Variants in SORCS3 observed in about 807,000 individuals in gnomAD.
SORCS3 encodes VPS10 domain-containing receptor SorCS3.
Under a neutral mutation model 146.3 loss-of-function variants are expected in SORCS3, and 57 were observed. The observed-to-expected ratio is 0.39, with a 90% CI of 0.31 to 0.49. SORCS3 has a LOEUF of 0.49. Among genes scored for constraint, SORCS3 ranks in the 20% least tolerant of loss-of-function variants. The probability of loss-of-function intolerance (pLI) is 0.92; values close to 1 mark genes in which losing one functional copy is unlikely to be tolerated. For synonymous variants in SORCS3, 653 were observed against 618.5 expected (o/e 1.06, Z -0.83); for missense variants, 1,341 against 1,575.5 (o/e 0.85, Z 2.52).
intron 20 of SORCS3, among the ~76,000 whole-genome samples, chr10:105,242,484 TTATATATTTA>T (rs796397778): frequency 0.58 from 46,893 of 80,828 alleles, 13,211 homozygotes; most frequent in East Asian, 0.76. Context: ...ATTTATATAT[TTATATATTTA>T]TATATATTTA....
At chr10:104,983,614 G>C (rs11192262) in intron 4 of SORCS3, among the ~76,000 whole-genome samples, 1 of 151,858 alleles carries the variant, frequency 6.6e-6, no homozygotes, top group Admixed American at 6.6e-5. Flanking sequence ...TTCATCTGCT[G>C]CCTCTATGAG....
chr10:105,002,559 A>G (rs2055068810), intron 4 of SORCS3, among the ~76,000 whole-genome samples: 1 of 152,228 alleles, frequency 6.6e-6, no homozygotes, highest in Admixed American at 6.5e-5. Context: ...GTGGCTGTAA[A>G]TTAAATTGAA....
intron 4 of SORCS3, among the ~76,000 whole-genome samples, chr10:105,010,093 A>G (rs1298050925): frequency 1.3e-5 from 2 of 152,182 alleles, no homozygotes; most frequent in Non-Finnish European, 2.9e-5. Context: ...ACCCAGGTTC[A>G]GGGGTGTGGC....
At chr10:104,883,503 T>G (rs2018650696) in intron 2 of SORCS3, among the ~76,000 whole-genome samples, 1 of 152,164 alleles carries the variant, frequency 6.6e-6, no homozygotes, top group Admixed American at 6.5e-5. Context: ...ATATGTACTT[T>G]TAAAGGCAAA....
chr10:104,819,317 G>T (rs2017844949), intron 1 of SORCS3, among the ~76,000 whole-genome samples: 1 of 152,124 alleles, frequency 6.6e-6, no homozygotes, highest in Non-Finnish European at 1.5e-5. Flanking sequence ...AGGGGTCTGT[G>T]AGTCACACTT....
At chr10:104,698,265 C>T (rs1382683705) in intron 1 of SORCS3, among the ~76,000 whole-genome samples, 1 of 152,174 alleles carries the variant, frequency 6.6e-6, no homozygotes, top group East Asian at 1.9e-4. Flanking sequence ...TACAGAGTCA[C>T]ATGGGCCCTG....
chr10:104,955,507 G>A (rs2019479824), intron 3 of SORCS3, among the ~76,000 whole-genome samples: 1 of 152,136 alleles, frequency 6.6e-6, no homozygotes, highest in African/African-American at 2.4e-5. Flanking sequence ...TTGTTTATCT[G>A]TTTTTCATTC....
chr10:104,789,530 C>G (rs1430573330), intron 1 of SORCS3, among the ~76,000 whole-genome samples: 1 of 152,154 alleles, frequency 6.6e-6, no homozygotes, highest in African/African-American at 2.4e-5. Context: ...TCTTGGAAAA[C>G]CCAAGTCAGG....
At chr10:104,715,948 C>T (rs1016538442) in intron 1 of SORCS3, among the ~76,000 whole-genome samples, 11 of 152,158 alleles carry the variant, frequency 7.2e-5, no homozygotes, top group African/African-American at 2.4e-4. Flanking sequence ...GTTCTTACTG[C>T]TTATCTTCTC....
At chr10:104,914,421 T>G (rs1485358358) in intron 2 of SORCS3, among the ~76,000 whole-genome samples, 1 of 151,562 alleles carries the variant, frequency 6.6e-6, no homozygotes, top group Non-Finnish European at 1.5e-5. Flanking sequence ...ACAGAGGAGG[T>G]GCAGGTGGGT....
rs748867054 is a variant in SORCS3, at chr10:105,200,079, C to A, written c.2090C>A (p.Thr697Asn). The A allele has an allele frequency of 3.1e-6, 5 of 1,613,544 alleles. No homozygotes were observed. Among genetic ancestry groups the A allele is most frequent in the Non-Finnish European group, 4.2e-6 (5 of 1,179,668 alleles). The part of the protein sequence containing the change: ...DYKSIFSRHC[T>N]KEDYQTWHLL... ...AAATCTATCTTCAGCCGGCATTGCA[C>A]CAAGGAGGACTATCAGACCTGGCAC... The change falls in exon 15 of 27, where the codon ACC becomes AAC. Residue 697 changes from threonine (T) to asparagine (N), a missense_variant. By Grantham distance (65) the Thr-to-Asn change is moderately conservative (BLOSUM62 0). Transcript: ENST00000369701.
At chr10:105,216,454 T>C (rs1355036592) in intron 18 of SORCS3, among the ~76,000 whole-genome samples, 1 of 152,136 alleles carries the variant, frequency 6.6e-6, no homozygotes, top group African/African-American at 2.4e-5. Flanking sequence ...TATGAAACTT[T>C]GGTCTAACTA....
intron 3 of SORCS3, among the ~76,000 whole-genome samples, chr10:104,946,874 A>G (rs1233662158): frequency 6.6e-6 from 1 of 152,162 alleles, no homozygotes; most frequent in Non-Finnish European, 1.5e-5. Flanking sequence ...CTAGAGGAAT[A>G]GAAGGCCTTG....
intron 14 of SORCS3, among the ~76,000 whole-genome samples, chr10:105,190,138 C>T (rs2056506831): frequency 6.6e-6 from 1 of 152,196 alleles, no homozygotes; most frequent in Non-Finnish European, 1.5e-5. Context: ...GCTAATGAGT[C>T]ATGAAGGACT....
intron 12 of SORCS3, among the ~76,000 whole-genome samples, chr10:105,166,983 T>C (rs2056319298): frequency 6.6e-6 from 1 of 152,146 alleles, no homozygotes; most frequent in African/African-American, 2.4e-5. Context: ...ATGCACCTTG[T>C]TGCTTCACCT....
intron 1 of SORCS3, among the ~76,000 whole-genome samples, chr10:104,718,380 C>T (rs2016504786): frequency 1.3e-5 from 2 of 152,112 alleles, no homozygotes; most frequent in Admixed American, 6.5e-5. Context: ...CCGTTCCCTC[C>T]ATAATGACAT....
intron 1 of SORCS3, among the ~76,000 whole-genome samples, chr10:104,763,667 A>G (rs117947472): frequency 0.012 from 1,829 of 152,304 alleles, 18 homozygotes; most frequent in Non-Finnish European, 0.019. Context: ...CTTGTGGCCA[A>G]CGCTTCTTTA....
intron 3 of SORCS3, among the ~76,000 whole-genome samples, chr10:104,941,876 C>T (rs1479564144): frequency 1.3e-5 from 2 of 152,058 alleles, no homozygotes; most frequent in African/African-American, 4.8e-5. Flanking sequence ...GAAACAAAGG[C>T]CTGGCTGGAT....
chr10:105,022,518 G>A (rs1324392275), intron 4 of SORCS3, among the ~76,000 whole-genome samples: 2 of 151,832 alleles, frequency 1.3e-5, no homozygotes, highest in Non-Finnish European at 2.9e-5. Flanking sequence ...GGCCAGGCTG[G>A]TCTCGAACTC....
Sources: allele counts gnomAD v4.1 joint callset (sites outside exome capture counted in the v4.1 genomes callset), GRCh38; gene constraint gnomAD v4.1.1; transcripts MANE v1.5; gene names NCBI Gene and HGNC (gene_info 2026-07-23, HGNC 2026-07-21).